The following AGMO variants were observed in gnomAD, a reference collection of about 807,000 sequenced individuals.
AGMO encodes alkylglycerol monooxygenase.
A neutral mutation model predicts 60.2 loss-of-function variants in AGMO; 75 were observed. The observed-to-expected ratio is 1.25, with a 90% CI of 1.03 to 1.51. The LOEUF is 1.51. AGMO is among the 40% of genes most tolerant of loss of function. AGMO has a pLI of 0.00. For synonymous variants in AGMO, 261 were observed against 177.1 expected (o/e 1.47, Z -3.76); for missense variants, 763 against 525.5 (o/e 1.45, Z -4.42).
intron 3 of AGMO, among the ~76,000 whole-genome samples, chr7:15,448,556 G>A (rs1197131466): frequency 1.3e-5 from 2 of 151,430 alleles, no homozygotes; most frequent in Non-Finnish European, 2.9e-5. Flanking sequence ...AAAGCTTTAA[G>A]CATAAAAGTT....
At chr7:15,540,114 C>T (rs1463183728) in intron 3 of AGMO, among the ~76,000 whole-genome samples, 2 of 152,070 alleles carry the variant, frequency 1.3e-5, no homozygotes, top group Admixed American at 1.3e-4. Flanking sequence ...CCAAAGAATG[C>T]AGCTACTGCC....
intron 3 of AGMO, among the ~76,000 whole-genome samples, chr7:15,505,456 A>G (rs1783488345): frequency 6.6e-6 from 1 of 151,924 alleles, no homozygotes; most frequent in South Asian, 2.1e-4. Context: ...TACAACTAAA[A>G]CTACTCCTTG....
chr7:15,208,124 G>T (rs900229055), intron 12 of AGMO, among the ~76,000 whole-genome samples: 2 of 152,134 alleles, frequency 1.3e-5, no homozygotes, highest in Non-Finnish European at 2.9e-5. Flanking sequence ...AATGTGCCTT[G>T]TTTAAATTGA....
chr7:15,340,764 G>A (rs1274131916), intron 12 of AGMO, among the ~76,000 whole-genome samples: 2 of 152,194 alleles, frequency 1.3e-5, no homozygotes, highest in Admixed American at 1.3e-4. Flanking sequence ...TGCTGCAGGG[G>A]TGGAGCCCTC....
At chr7:15,521,332 C>T (rs1783979379) in intron 3 of AGMO, among the ~76,000 whole-genome samples, 1 of 152,168 alleles carries the variant, frequency 6.6e-6, no homozygotes, top group Non-Finnish European at 1.5e-5. Context: ...AAGGAATCCT[C>T]CCTAACTCTT....
At chr7:15,349,974 C>G (rs942358869) in intron 12 of AGMO, among the ~76,000 whole-genome samples, 7 of 152,072 alleles carry the variant, frequency 4.6e-5, no homozygotes, top group African/African-American at 1.4e-4. Flanking sequence ...CAAATCATAT[C>G]AAATGTGAAC....
At chr7:15,386,084 G>A (rs781221735) in intron 9 of AGMO, among the ~76,000 whole-genome samples, 1 of 152,070 alleles carries the variant, frequency 6.6e-6, no homozygotes, top group African/African-American at 2.4e-5. Context: ...AGGAGGCTGA[G>A]GCAGAAGAAC....
chr7:15,279,669 C>T (rs894667028), intron 12 of AGMO, among the ~76,000 whole-genome samples: 1 of 152,086 alleles, frequency 6.6e-6, no homozygotes, highest in South Asian at 2.1e-4. Context: ...AAAGAAACCA[C>T]AGACCCTTTG....
At chr7:15,183,049 C>A in the AGMO span, among the ~76,000 whole-genome samples, 1 of 152,056 alleles carries the variant, frequency 6.6e-6, no homozygotes, top group African/African-American at 2.4e-5. Flanking sequence ...TCACCTTCAA[C>A]ATTGGGGATT....
intron 2 of AGMO, among the ~76,000 whole-genome samples, 190 bp downstream of exon 2, chr7:15,559,951 G>A (rs1016707513): frequency 5.9e-5 from 9 of 152,024 alleles, no homozygotes; most frequent in Middle Eastern, 3.4e-3. Flanking sequence ...TAATGTTTGC[G>A]GTGATTTTTT....
At chr7:15,321,889 T>C (rs371723283) in intron 12 of AGMO, among the ~76,000 whole-genome samples, 3 of 152,206 alleles carry the variant, frequency 2.0e-5, no homozygotes, top group East Asian at 3.9e-4. Context: ...GAGCCCTAAA[T>C]CTTGAGATAT....
chr7:15,517,314 G>GGT (rs369815817), intron 3 of AGMO, among the ~76,000 whole-genome samples: 277 of 148,402 alleles, frequency 1.9e-3, no homozygotes, highest in East Asian at 9.8e-3. Context: ...TCTAGTGTGG[G>GGT]GTGTGTGTGT....
intron 12 of AGMO, among the ~76,000 whole-genome samples, chr7:15,217,306 G>A (rs913538301): frequency 4.6e-5 from 7 of 152,070 alleles, no homozygotes; most frequent in Admixed American, 1.3e-4. Context: ...CTCAACTGAG[G>A]AGGAGTTCAT....
At chr7:15,248,593 C>T (rs1782838395) in intron 12 of AGMO, among the ~76,000 whole-genome samples, 1 of 152,114 alleles carries the variant, frequency 6.6e-6, no homozygotes. Context: ...CAACCAAGTT[C>T]AGTGGTAATG....
intron 3 of AGMO, among the ~76,000 whole-genome samples, chr7:15,524,137 A>G (rs1190609291): frequency 6.6e-6 from 1 of 152,060 alleles, no homozygotes; most frequent in African/African-American, 2.4e-5. Context: ...GTTAGACAAT[A>G]GAAGTATAAA....
chr7:15,471,537 T>A (rs1211750692), intron 3 of AGMO, among the ~76,000 whole-genome samples: 1 of 151,882 alleles, frequency 6.6e-6, no homozygotes, highest in Non-Finnish European at 1.5e-5. Context: ...AGAATCTGTA[T>A]TCTTGAATAT....
intron 3 of AGMO, among the ~76,000 whole-genome samples, chr7:15,499,642 C>A (rs10280114): frequency 6.6e-6 from 1 of 151,532 alleles, no homozygotes; most frequent in African/African-American, 2.4e-5. Flanking sequence ...TTTCTAAAAT[C>A]CATAATGTCT....
At chr7:15,273,905 A>G (rs1783696941) in intron 12 of AGMO, among the ~76,000 whole-genome samples, 1 of 152,170 alleles carries the variant, frequency 6.6e-6, no homozygotes, top group South Asian at 2.1e-4. Flanking sequence ...GAGTTCTATC[A>G]TGATTTGGCT....
At chr7:15,202,015 C>T (rs1781302903) in intron 12 of AGMO, among the ~76,000 whole-genome samples, 2 of 152,224 alleles carry the variant, frequency 1.3e-5, no homozygotes, top group African/African-American at 4.8e-5. Context: ...GTAAACACTT[C>T]CCTATGCTCT....
Sources: gnomAD v4.1 joint callset for allele counts (sites outside exome capture counted in the v4.1 genomes callset) on GRCh38, gnomAD v4.1.1 for gene constraint, MANE v1.5 for transcripts, NCBI Gene and HGNC (gene_info 2026-07-23, HGNC 2026-07-21) for gene names.